The following ACOT1 variants were observed in gnomAD, a reference collection of about 807,000 sequenced individuals.
ACOT1 encodes the protein acyl-CoA thioesterase 1.
A neutral mutation model predicts 15.7 loss-of-function variants in ACOT1; 8 were observed. The ratio of observed to expected loss-of-function variants is 0.51; its 90% CI spans 0.30 to 0.92. The LOEUF (loss-of-function observed/expected upper bound fraction) is 0.92. Ranked by LOEUF, ACOT1 falls within the 40% of genes least tolerant of loss-of-function variation. The probability of loss-of-function intolerance (pLI) is 0.06; values close to 1 mark genes in which losing one functional copy is unlikely to be tolerated. For synonymous variants in ACOT1, 67 were observed against 241.2 expected (o/e 0.28, Z 6.69); for missense variants, 151 against 539.4 (o/e 0.28, Z 7.13).
chr14:73,504,263 G>C, the ACOT1 span, among the ~76,000 whole-genome samples: 1 of 147,278 alleles, frequency 6.8e-6, no homozygotes, highest in Non-Finnish European at 1.5e-5. Flanking sequence ...TTTTTTTTGA[G>C]ACGGAGCCTC....
At chr14:73,532,459 A>G (rs145136285), upstream of ACOT1, among the ~76,000 whole-genome samples, 2,418 of 115,846 alleles carry the variant, frequency 0.021, 749 homozygotes, top group Non-Finnish European at 0.033. Context: ...AAACTAATTT[A>G]TCCTGACAGC....
At chr14:73,522,671 G>T in the ACOT1 span, 2 of 1,614,212 alleles carry the variant, frequency 1.2e-6, no homozygotes, top group Non-Finnish European at 1.7e-6. Flanking sequence ...GAGAGGGCGG[G>T]GTGCTTCCCG....
the ACOT1 span, among the ~76,000 whole-genome samples, chr14:73,526,575 C>A: frequency 7.2e-5 from 11 of 151,988 alleles, no homozygotes; most frequent in Non-Finnish European, 1.5e-4. Context: ...AAGACAAAGT[C>A]CAGAAGACTT....
At chr14:73,491,602 C>T in the ACOT1 span, 1 of 1,546,968 alleles carries the variant, frequency 6.5e-7, no homozygotes, top group Non-Finnish European at 8.7e-7. Flanking sequence ...TGAACCGCAT[C>T]CCCAGCAGCC....
At chr14:73,505,967 T>G in the ACOT1 span, among the ~76,000 whole-genome samples, 1 of 147,808 alleles carries the variant, frequency 6.8e-6, no homozygotes, top group Non-Finnish European at 1.5e-5. Context: ...CTTGGTTCAC[T>G]GCAACCTCTG....
the ACOT1 span, among the ~76,000 whole-genome samples, chr14:73,519,606 AC>A: frequency 6.6e-6 from 1 of 152,082 alleles, no homozygotes; most frequent in Non-Finnish European, 1.5e-5. Flanking sequence ...TTAGCTGGGT[AC>A]AGCTACTCGG....
the ACOT1 span, among the ~76,000 whole-genome samples, chr14:73,526,989 C>T: frequency 2.4e-4 from 36 of 152,252 alleles, no homozygotes; most frequent in African/African-American, 8.2e-4. Context: ...AGAGATGTTG[C>T]CTGGGTAACC....
the ACOT1 span, among the ~76,000 whole-genome samples, chr14:73,530,794 A>ATC: frequency 1.7e-5 from 1 of 57,788 alleles, no homozygotes; most frequent in Non-Finnish European, 3.2e-5. Context: ...TCTCGGTTAA[A>ATC]TTTTTTTTTT....
At chr14:73,522,629 A>G in the ACOT1 span, 4 of 1,614,176 alleles carry the variant, frequency 2.5e-6, no homozygotes, top group South Asian at 4.4e-5. Flanking sequence ...TGGCCGACCC[A>G]GCATATCTGG....
chr14:73,495,430 C>T, the ACOT1 span: 2 of 1,492,754 alleles, frequency 1.3e-6, no homozygotes, highest in South Asian at 1.2e-5. Context: ...AACAAAACAC[C>T]TGTACTAGGC....
the ACOT1 span, among the ~76,000 whole-genome samples, chr14:73,513,308 A>C: frequency 3.3e-5 from 5 of 151,904 alleles, no homozygotes; most frequent in Non-Finnish European, 5.9e-5. Context: ...AAAACACAAA[A>C]ATTAGCCAGA....
chr14:73,502,906 G>A, the ACOT1 span: 236,028 of 1,609,486 alleles, frequency 0.15, 20,257 homozygotes, highest in East Asian at 0.34. Context: ...TGATTATGTC[G>A]TGCACCTCTT....
At chr14:73,491,542 G>C in the ACOT1 span, 2 of 1,532,780 alleles carry the variant, frequency 1.3e-6, no homozygotes, top group South Asian at 1.2e-5. Flanking sequence ...TGGATAACAC[G>C]GGTGGGGAGC....
chr14:73,524,293 C>CAAAAAA, the ACOT1 span, among the ~76,000 whole-genome samples: 35 of 56,644 alleles, frequency 6.2e-4, no homozygotes, highest in Non-Finnish European at 7.0e-4. Context: ...AACTCCGTCT[C>CAAAAAA]AAAAAAAAAA....
At chr14:73,491,029 C>T in the ACOT1 span, 4 of 1,549,092 alleles carry the variant, frequency 2.6e-6, no homozygotes, top group Middle Eastern at 1.8e-4. Context: ...TGGATGGGCT[C>T]CAGGCCAGTG....
chr14:73,514,085 C>G, the ACOT1 span: 1 of 1,614,216 alleles, frequency 6.2e-7, no homozygotes, highest in East Asian at 2.2e-5. Flanking sequence ...ACCACCAGTT[C>G]CCAGGTCACA....
At chr14:73,505,066 G>A in the ACOT1 span, among the ~76,000 whole-genome samples, 1 of 152,094 alleles carries the variant, frequency 6.6e-6, no homozygotes, top group Non-Finnish European at 1.5e-5. Flanking sequence ...AAGTAGCTGG[G>A]ATGACAGGTG....
the ACOT1 span, among the ~76,000 whole-genome samples, chr14:73,531,747 G>A: frequency 8.0e-5 from 9 of 112,846 alleles, 2 homozygotes; most frequent in African/African-American, 1.2e-4. Flanking sequence ...TCAGCCAGGC[G>A]CAATGGCTGA....
chr14:73,513,723 G>A, the ACOT1 span, among the ~76,000 whole-genome samples: 7 of 73,030 alleles, frequency 9.6e-5, no homozygotes, highest in Admixed American at 8.0e-4. Flanking sequence ...GCGAAACTAC[G>A]TCTCCAAAAA....
Sources: gnomAD v4.1 joint callset for allele counts (sites outside exome capture counted in the v4.1 genomes callset) on GRCh38, gnomAD v4.1.1 for gene constraint, MANE v1.5 for transcripts, NCBI Gene and HGNC (gene_info 2026-07-23, HGNC 2026-07-21) for gene names.